Variants in UBE2E2 observed in about 807,000 individuals in gnomAD.
The protein encoded by UBE2E2 is ubiquitin-conjugating enzyme E2 E2.
In UBE2E2, 6 loss-of-function variants were observed where a neutral mutation model predicts 24.7. That is an observed-to-expected ratio of 0.24 (90% confidence interval 0.13 to 0.48). The LOEUF (loss-of-function observed/expected upper bound fraction) is 0.48, where lower values mean the gene tolerates loss of function less well. Ranked by LOEUF, UBE2E2 falls within the 20% of genes least tolerant of loss-of-function variation. The probability of loss-of-function intolerance (pLI) is 0.99; values close to 1 mark genes in which losing one functional copy is unlikely to be tolerated. For synonymous variants in UBE2E2, 104 were observed against 83.6 expected, an observed-to-expected ratio of 1.24 and a Z score of -1.33; for missense variants, 169 against 245.0, an observed-to-expected ratio of 0.69 and a Z score of 2.07.
chr3:23,516,918 A>G (rs1694754890), intron 4 of UBE2E2, among the ~76,000 whole-genome samples: 1 of 152,114 alleles, frequency 6.6e-6, no homozygotes, highest in East Asian at 1.9e-4. Context: ...GAACATGACC[A>G]CTTTACTATG....
At chr3:23,424,190 C>CT (rs1186675820) in intron 3 of UBE2E2, among the ~76,000 whole-genome samples, 1 of 151,980 alleles carries the variant, frequency 6.6e-6, no homozygotes, top group Non-Finnish European at 1.5e-5. Context: ...GTTTAAGGAA[C>CT]TTTTTTTTCT....
chr3:23,476,024 A>AC (rs1699126640), intron 3 of UBE2E2, among the ~76,000 whole-genome samples: 1 of 152,042 alleles, frequency 6.6e-6, no homozygotes, highest in Admixed American at 6.5e-5. Context: ...TTGTCTAAGC[A>AC]TCTGTCCATG....
intron 3 of UBE2E2, among the ~76,000 whole-genome samples, chr3:23,439,976 A>T (rs1698264091): frequency 1.6e-5 from 2 of 121,372 alleles, no homozygotes; most frequent in South Asian, 2.4e-4. Context: ...TTTTTATATT[A>T]AAAAAAAAAA....
intron 3 of UBE2E2, among the ~76,000 whole-genome samples, chr3:23,481,209 A>G (rs1208673156): frequency 1.3e-5 from 2 of 152,224 alleles, no homozygotes; most frequent in African/African-American, 4.8e-5. Context: ...TTGGTTGTCT[A>G]TAATATATTC....
At chr3:23,306,851 G>A (rs542649838) in intron 3 of UBE2E2, among the ~76,000 whole-genome samples, 3 of 152,142 alleles carry the variant, frequency 2.0e-5, no homozygotes, top group Non-Finnish European at 2.9e-5. Flanking sequence ...TAACAATCCA[G>A]ACAGACCTGT....
chr3:23,264,998 C>T (rs988299203), intron 3 of UBE2E2, among the ~76,000 whole-genome samples: 4 of 152,080 alleles, frequency 2.6e-5, no homozygotes, highest in Admixed American at 2.0e-4. Context: ...GTAGTAATAG[C>T]GTCAGTAGAG....
At chr3:23,352,462 A>T (rs1048832138) in intron 3 of UBE2E2, among the ~76,000 whole-genome samples, 13 of 152,210 alleles carry the variant, frequency 8.5e-5, no homozygotes, top group South Asian at 4.1e-4. Context: ...TTTTGAAAGG[A>T]TCAACAAAAT....
At chr3:23,568,698 T>TATGTATACATATATACACAC (rs1553621684) in intron 5 of UBE2E2, among the ~76,000 whole-genome samples, 1 of 59,472 alleles carries the variant, frequency 1.7e-5, no homozygotes, top group African/African-American at 7.1e-5. Context: ...TATACACACA[T>TATGTATACATATATACACAC]ATATATATAC....
intron 3 of UBE2E2, among the ~76,000 whole-genome samples, chr3:23,297,881 A>G (rs1443286679): frequency 1.3e-5 from 2 of 151,992 alleles, no homozygotes; most frequent in Non-Finnish European, 2.9e-5. Context: ...CTTGGGCAGT[A>G]TGGCCATTTT....
chr3:23,364,332 C>T (rs1487643645), intron 3 of UBE2E2, among the ~76,000 whole-genome samples: 2 of 151,930 alleles, frequency 1.3e-5, no homozygotes, highest in South Asian at 2.1e-4. Flanking sequence ...TCAACAAGTA[C>T]AGAAATTGAT....
intron 3 of UBE2E2, among the ~76,000 whole-genome samples, chr3:23,313,333 CTT>C (rs1694464802): frequency 7.1e-6 from 1 of 141,542 alleles, no homozygotes; most frequent in African/African-American, 2.6e-5. Context: ...TTTTCAGTCT[CTT>C]TGTGTCTTTA....
intron 4 of UBE2E2, among the ~76,000 whole-genome samples, chr3:23,518,976 A>G (rs1694803308): frequency 6.6e-6 from 1 of 152,240 alleles, no homozygotes; most frequent in Middle Eastern, 3.2e-3. Flanking sequence ...CGAACATCAT[A>G]TAACAATCCT....
chr3:23,545,716 T>C (rs1695507308), intron 5 of UBE2E2, among the ~76,000 whole-genome samples: 1 of 152,158 alleles, frequency 6.6e-6, no homozygotes, highest in South Asian at 2.1e-4. Context: ...TGCACATATA[T>C]GTTTATCACA....
intron 5 of UBE2E2, among the ~76,000 whole-genome samples, chr3:23,554,966 G>T (rs534355111): frequency 2.6e-5 from 4 of 151,728 alleles, no homozygotes; most frequent in African/African-American, 9.7e-5. Context: ...GCCCAGGCTG[G>T]AGTACAGTGA....
chr3:23,480,352 C>A (rs2125441568), intron 3 of UBE2E2, among the ~76,000 whole-genome samples: 1 of 152,344 alleles, frequency 6.6e-6, no homozygotes, highest in South Asian at 2.1e-4. Flanking sequence ...GGAACAGGTA[C>A]TTTGAAGCCT....
intron 3 of UBE2E2, among the ~76,000 whole-genome samples, chr3:23,246,060 T>C (rs530647809): frequency 1.3e-5 from 2 of 152,186 alleles, no homozygotes; most frequent in East Asian, 1.9e-4. Context: ...TCAATAAATA[T>C]ATATGAGCTA....
intron 5 of UBE2E2, among the ~76,000 whole-genome samples, chr3:23,558,812 G>C (rs1000850147): frequency 2.0e-5 from 3 of 152,148 alleles, no homozygotes; most frequent in African/African-American, 7.2e-5. Flanking sequence ...TGTATTCCCA[G>C]CTACTTGGGA....
At chr3:23,346,403 A>T (rs1250452588) in intron 3 of UBE2E2, among the ~76,000 whole-genome samples, 1 of 152,210 alleles carries the variant, frequency 6.6e-6, no homozygotes, top group Admixed American at 6.5e-5. Context: ...CACAGGTTGA[A>T]GATGACATTT....
chr3:23,235,271 G>A (rs1211703034), intron 3 of UBE2E2, among the ~76,000 whole-genome samples: 1 of 152,120 alleles, frequency 6.6e-6, no homozygotes, highest in African/African-American at 2.4e-5. Context: ...GTTTTATTTT[G>A]GGTTGAGAAA....
Sources: gnomAD v4.1 joint callset for allele counts (sites outside exome capture counted in the v4.1 genomes callset) on GRCh38, gnomAD v4.1.1 for gene constraint, MANE v1.5 for transcripts, NCBI Gene and HGNC (gene_info 2026-07-23, HGNC 2026-07-21) for gene names.